The following ZFHX3 variants were observed in gnomAD, a reference collection of about 807,000 sequenced individuals.
ZFHX3 encodes zinc finger homeobox protein 3.
In ZFHX3, 42 loss-of-function variants were observed where a neutral mutation model predicts 279.1. That is an observed-to-expected ratio of 0.15 (90% CI 0.12 to 0.19). ZFHX3 has a LOEUF of 0.19. Ranked by LOEUF, ZFHX3 falls within the 10% of genes least tolerant of loss-of-function variation. ZFHX3 has a pLI of 1.00. For missense variants in ZFHX3, 4,981 were observed against 4,754.0 expected, an observed-to-expected ratio of 1.05 and a Z score of -1.40; for synonymous variants, 2,293 against 1,957.8, an observed-to-expected ratio of 1.17 and a Z score of -4.52.
rs1483762200 is a variant in ZFHX3 at position 73,815,673 on chromosome 16, T to C, written c.-1608+75978A>G. The stretch of plus-strand genomic sequence containing the variant: ...ATCTCCAGGGTTCAAGCAATTCTCC[T>C]GCCTCAGCCTCTCGAGTAAGTGGGA... On this transcript the variant is annotated intron_variant, in intron 1 of 17. Transcript: ENST00000641206. 13 of 152,280 alleles carry C rather than the reference T, an allele frequency of 8.5e-5. No homozygotes were observed. In the East Asian group the frequency reaches 1.5e-3, roughly 18 times the overall value. The allele number at this position is 152,280 out of a possible 1,614,324, so 9.4% of individuals were successfully genotyped here.
chr16:73,084,537 T>C (rs112124738), intron 8 of ZFHX3, among the ~76,000 whole-genome samples: 1 of 148,348 alleles, frequency 6.7e-6, no homozygotes, highest in African/African-American at 2.5e-5. Flanking sequence ...TTTTTTTTTT[T>C]TGAGATGGAG....
intron 3 of ZFHX3, among the ~76,000 whole-genome samples, chr16:72,936,449 G>A (rs1960130406): frequency 6.6e-6 from 1 of 152,230 alleles, no homozygotes; most frequent in Non-Finnish European, 1.5e-5. Flanking sequence ...TCAATGCAGA[G>A]AAGTTATCTT....
intron 6 of ZFHX3, among the ~76,000 whole-genome samples, chr16:73,134,311 C>T (rs1040076244): frequency 4.1e-5 from 6 of 145,180 alleles, no homozygotes; most frequent in South Asian, 2.2e-4. Context: ...TAGTGACCTT[C>T]CGTGTTAGTC....
At chr16:73,398,856 GTT>G (rs4011545) in intron 3 of ZFHX3, among the ~76,000 whole-genome samples, 1 of 151,274 alleles carries the variant, frequency 6.6e-6, no homozygotes, top group South Asian at 2.1e-4. Flanking sequence ...AGTGGCAGTG[GTT>G]TTTTTTGTTT....
intron 2 of ZFHX3, among the ~76,000 whole-genome samples, chr16:73,664,212 AC>A (rs60183699): frequency 0.058 from 8,906 of 152,248 alleles, 876 homozygotes; most frequent in African/African-American, 0.2. Context: ...AGTATTGCTG[AC>A]CTTTTTCTGC....
chr16:73,657,911 T>A (rs150791592), intron 2 of ZFHX3, among the ~76,000 whole-genome samples: 3 of 152,366 alleles, frequency 2.0e-5, no homozygotes, highest in Non-Finnish European at 4.4e-5. Flanking sequence ...CTATGAAGAT[T>A]TGTGTACCAG....
chr16:73,638,721 A>G (rs1253143058), intron 2 of ZFHX3, among the ~76,000 whole-genome samples: 1 of 152,198 alleles, frequency 6.6e-6, no homozygotes, highest in Non-Finnish European at 1.5e-5. Flanking sequence ...AGGGTCAAGC[A>G]TTCACTCATC....
At chr16:73,113,443 C>A (rs1329768349) in intron 7 of ZFHX3, among the ~76,000 whole-genome samples, 4 of 152,108 alleles carry the variant, frequency 2.6e-5, no homozygotes, top group African/African-American at 7.2e-5. Context: ...AAATCACAGG[C>A]CACAATAAAT....
At chr16:73,055,350 G>A (rs192771087) in intron 1 of ZFHX3, among the ~76,000 whole-genome samples, 180 of 152,132 alleles carry the variant, frequency 1.2e-3, no homozygotes, top group Non-Finnish European at 2.1e-3. Context: ...AGGCTCTGGT[G>A]CCTTTAAACC....
intron 1 of ZFHX3, among the ~76,000 whole-genome samples, chr16:73,838,095 T>A (rs562879945): frequency 6.6e-6 from 1 of 152,314 alleles, no homozygotes; most frequent in Non-Finnish European, 1.5e-5. Flanking sequence ...CACTTGACAC[T>A]AAGTGTTTGT....
intron 1 of ZFHX3, among the ~76,000 whole-genome samples, chr16:72,999,503 G>C (rs983783529): frequency 6.6e-6 from 1 of 152,142 alleles, no homozygotes. Context: ...AAATCCACAG[G>C]CTTGGGAATC....
chr16:72,839,152 G>A (rs903366283), intron 4 of ZFHX3, among the ~76,000 whole-genome samples: 4 of 152,058 alleles, frequency 2.6e-5, no homozygotes, highest in Admixed American at 6.5e-5. Context: ...TGATGTGATT[G>A]TGTTGTCATT....
chr16:73,326,583 G>A (rs1345572925), intron 3 of ZFHX3, among the ~76,000 whole-genome samples: 13 of 152,316 alleles, frequency 8.5e-5, no homozygotes, highest in Admixed American at 6.5e-4. Context: ...ACAGAAAGTA[G>A]TCTAGTGGTT....
chr16:72,952,929 C>G lies in ZFHX3; in HGVS notation c.2720-1964G>C, dbSNP rs527600525. ...CTTGAGCTATTAGGTCTGCCCCACC[C>G]CCCAAGTGAAATTTAAACTTGACCT... On this transcript the variant is annotated intron_variant, in intron 2 of 9. Transcript: ENST00000268489. Among the ~76,000 whole-genome samples, 8 of 152,294 alleles carry G rather than the reference C, an allele frequency of 5.3e-5. No homozygotes were observed. In the South Asian group the frequency reaches 1.7e-3, roughly 32 times the overall value.
At chr16:73,670,561 T>C (rs759465515) in intron 2 of ZFHX3, among the ~76,000 whole-genome samples, 4 of 152,210 alleles carry the variant, frequency 2.6e-5, no homozygotes, top group Admixed American at 2.6e-4. Context: ...ATGAAGATTA[T>C]CAGTAAGACC....
intron 4 of ZFHX3, among the ~76,000 whole-genome samples, chr16:73,305,364 G>A (rs999201893): frequency 2.0e-5 from 3 of 152,136 alleles, no homozygotes; most frequent in African/African-American, 7.2e-5. Context: ...ACAAACATCA[G>A]TTAGGTGGTC....
intron 2 of ZFHX3, among the ~76,000 whole-genome samples, chr16:73,661,974 T>A (rs57595423): frequency 7.9e-6 from 1 of 126,218 alleles, no homozygotes; most frequent in South Asian, 2.5e-4. Context: ...TTTTTTTTTG[T>A]TTTTTTTTTT....
chr16:73,845,377 C>G (rs936299597), intron 1 of ZFHX3, among the ~76,000 whole-genome samples: 1 of 152,114 alleles, frequency 6.6e-6, no homozygotes, highest in South Asian at 2.1e-4. Flanking sequence ...TGCAAAGGAG[C>G]TAGTACAAGA....
At chr16:72,923,747 ATGAAGTGG>A (rs1959277258) in intron 3 of ZFHX3, among the ~76,000 whole-genome samples, 1 of 138,348 alleles carries the variant, frequency 7.2e-6, no homozygotes, top group Non-Finnish European at 1.6e-5. Context: ...GATGAAGTAG[ATGAAGTGG>A]GAGCTAATGA....
Sources: allele counts gnomAD v4.1 joint callset (sites outside exome capture counted in the v4.1 genomes callset), GRCh38; gene constraint gnomAD v4.1.1; transcripts MANE v1.5; gene names NCBI Gene and HGNC (gene_info 2026-07-23, HGNC 2026-07-21).